KSR2: variants seen among roughly 807,000 people sequenced by gnomAD.
The protein encoded by KSR2 is kinase suppressor of ras 2.
Under a neutral mutation model 107.8 loss-of-function variants are expected in KSR2, and 25 were observed. The observed-to-expected ratio is 0.23, with a 90% CI of 0.17 to 0.32. The LOEUF (loss-of-function observed/expected upper bound fraction) is 0.32. Among genes scored for constraint, KSR2 ranks in the 10% least tolerant of loss-of-function variants. The probability of loss-of-function intolerance (pLI) is 1.00; values close to 1 mark genes in which losing one functional copy is unlikely to be tolerated. For missense variants in KSR2, 887 were observed against 1,268.9 expected, an observed-to-expected ratio of 0.70 and a Z score of 4.57; for synonymous variants, 480 against 507.0, an observed-to-expected ratio of 0.95 and a Z score of 0.71.
At position 117,638,766 on chromosome 12, in the gene KSR2, G is replaced by C. The variant is rs79114772; in HGVS notation, c.1171+28708C>G. 2.9e-3 allele frequency among the ~76,000 whole-genome samples: 442 copies of C among 152,188 alleles called. 17 individuals carry two copies. In the East Asian group the frequency reaches 0.079, roughly 27 times the overall value. ...ATTCGATTTCTCAAGTTCAAATTCA[G>C]GACTGAGCACTCAGGTGTTCATTTT... On this transcript the variant is annotated intron_variant, in intron 5 of 19. Transcript: ENST00000339824.
At chr12:117,785,191 G>C (rs910985718) in intron 3 of KSR2, among the ~76,000 whole-genome samples, 1 of 152,112 alleles carries the variant, frequency 6.6e-6, no homozygotes, top group Non-Finnish European at 1.5e-5. Flanking sequence ...AAGGCAGGTG[G>C]ATCACCTGAG....
chr12:117,698,166 A>G (rs1427190813), intron 4 of KSR2, among the ~76,000 whole-genome samples: 3 of 152,200 alleles, frequency 2.0e-5, no homozygotes, highest in Admixed American at 6.5e-5. Flanking sequence ...TCTGGCCCCC[A>G]GAACTGTGAG....
At chr12:117,909,513 A>C (rs754583388) in intron 1 of KSR2, among the ~76,000 whole-genome samples, 1 of 152,226 alleles carries the variant, frequency 6.6e-6, no homozygotes, top group Non-Finnish European at 1.5e-5. Flanking sequence ...TGTTAATCTC[A>C]GGGAACATTT....
intron 5 of KSR2, among the ~76,000 whole-genome samples, chr12:117,657,631 G>C (rs1327682138): frequency 1.3e-5 from 2 of 152,190 alleles, no homozygotes; most frequent in Non-Finnish European, 2.9e-5. Flanking sequence ...TCCAAATCCA[G>C]AGACTTCAGT....
At chr12:117,473,511 A>G (rs1004755931) in intron 17 of KSR2, among the ~76,000 whole-genome samples, 3 of 152,130 alleles carry the variant, frequency 2.0e-5, no homozygotes, top group Non-Finnish European at 4.4e-5. Flanking sequence ...ACTCCATCCT[A>G]TTTAAGAGTC....
chr12:117,787,745 A>T (rs542736820), intron 3 of KSR2, among the ~76,000 whole-genome samples: 16 of 152,170 alleles, frequency 1.1e-4, no homozygotes, highest in Non-Finnish European at 2.2e-4. Context: ...CTTTCAGATG[A>T]GCAAAACCAC....
intron 17 of KSR2, among the ~76,000 whole-genome samples, chr12:117,475,337 G>A (rs1017950275): frequency 6.6e-6 from 1 of 151,990 alleles, no homozygotes; most frequent in Non-Finnish European, 1.5e-5. Flanking sequence ...ACCACCCCCA[G>A]CCTAATTTTT....
At chr12:117,816,455 A>G (rs1891372213) in intron 3 of KSR2, among the ~76,000 whole-genome samples, 1 of 152,182 alleles carries the variant, frequency 6.6e-6, no homozygotes, top group Admixed American at 6.5e-5. Context: ...CATAAGAAAA[A>G]GGTTACTGTT....
intron 5 of KSR2, among the ~76,000 whole-genome samples, chr12:117,643,857 G>T (rs1883494668): frequency 6.6e-6 from 1 of 152,104 alleles, no homozygotes; most frequent in Admixed American, 6.5e-5. Flanking sequence ...CTTAGGTATG[G>T]GCTTGACAAT....
chr12:117,587,490 C>A (rs1880074691), intron 5 of KSR2, among the ~76,000 whole-genome samples: 1 of 152,142 alleles, frequency 6.6e-6, no homozygotes, highest in Non-Finnish European at 1.5e-5. Context: ...GGAACCAGCT[C>A]TGCCGACACC....
At chr12:117,705,904 G>A (rs1407741053) in intron 4 of KSR2, among the ~76,000 whole-genome samples, 1 of 152,112 alleles carries the variant, frequency 6.6e-6, no homozygotes, top group African/African-American at 2.4e-5. Context: ...GTGAGCCTCA[G>A]TGTATTCTTC....
intron 3 of KSR2, among the ~76,000 whole-genome samples, chr12:117,812,579 A>G (rs973114304): frequency 1.3e-5 from 2 of 152,156 alleles, no homozygotes; most frequent in Admixed American, 6.5e-5. Context: ...ATTTCCCAGC[A>G]TCATCATTTG....
At position 117,526,966 on chromosome 12, in the gene KSR2, C is replaced by T. The variant is rs955940684; in HGVS notation, c.1851+105G>A. On this transcript the variant is annotated intron_variant, in intron 13 of 19. Transcript: ENST00000339824. ...ATCCATCAGTCAGGGCCACCACAGC[C>T]CCCACCTGACCCCAAGCCCTCTGCG... 4 of 870,982 alleles carry T rather than the reference C, an allele frequency of 4.6e-6. No individual in the cohort carries two copies. The Admixed American group carries it at 7.4e-5, about 16-fold the overall frequency. The allele number at this position is 870,982 out of a possible 1,614,324, so 54.0% of individuals were successfully genotyped here.
intron 3 of KSR2, among the ~76,000 whole-genome samples, chr12:117,841,340 A>G (rs1892467622): frequency 6.6e-6 from 1 of 152,092 alleles, no homozygotes; most frequent in Non-Finnish European, 1.5e-5. Flanking sequence ...GAAGCCTCCC[A>G]TCCTCCCTCA....
At chr12:117,683,592 T>C (rs1243228886) in intron 4 of KSR2, among the ~76,000 whole-genome samples, 2 of 152,236 alleles carry the variant, frequency 1.3e-5, no homozygotes, top group Admixed American at 1.3e-4. Flanking sequence ...AACAGCTAGA[T>C]AGTGCTTATT....
chr12:117,714,818 A>G (rs1460332642), intron 4 of KSR2, among the ~76,000 whole-genome samples: 1 of 152,186 alleles, frequency 6.6e-6, no homozygotes, highest in Non-Finnish European at 1.5e-5. Context: ...ACTAGAGAAG[A>G]TGCTAAACAT....
chr12:117,737,472 C>G (rs887507629), intron 4 of KSR2, among the ~76,000 whole-genome samples: 1 of 152,108 alleles, frequency 6.6e-6, no homozygotes. Flanking sequence ...ATCTTATTTA[C>G]TGGCCATTTC....
intron 7 of KSR2, 79 bp downstream of exon 7, chr12:117,579,040 C>A: frequency 2.0e-6 from 2 of 1,010,266 alleles, no homozygotes; most frequent in East Asian, 5.0e-5. Context: ...ATCAAACTCC[C>A]AAAGGCTGTT....
rs184936265 is a variant in KSR2 at position 117,951,707 on chromosome 12, C to T, written c.180+16369G>A. Among the ~76,000 whole-genome samples the T allele has an allele frequency of 2.0e-3, 305 of 152,276 alleles. 2 individuals carry two copies. Among genetic ancestry groups the T allele is most frequent in the Non-Finnish European group, 3.2e-3 (219 of 68,024 alleles). ...TGGGAGTGGCCATCTCTTGTCTCTA[C>T]CTGCTAGGTTCCAGATCTTGAGACT... On this transcript the variant is annotated intron_variant, in intron 1 of 19. Coordinates refer to ENST00000339824, the MANE Select transcript of KSR2 (RefSeq NM_173598.6).
Sources: gnomAD v4.1 joint callset for allele counts (sites outside exome capture counted in the v4.1 genomes callset) on GRCh38, gnomAD v4.1.1 for gene constraint, MANE v1.5 for transcripts, NCBI Gene and HGNC (gene_info 2026-07-23, HGNC 2026-07-21) for gene names.